The following NEGR1 variants were observed in gnomAD, a reference collection of about 807,000 sequenced individuals.
NEGR1 encodes the protein neuronal growth regulator 1.
Under a neutral mutation model 40.9 loss-of-function variants are expected in NEGR1, and 10 were observed. The ratio of observed to expected loss-of-function variants is 0.24; its 90% CI spans 0.15 to 0.42. The LOEUF (loss-of-function observed/expected upper bound fraction) is 0.42. Among genes scored for constraint, NEGR1 ranks in the 10% least tolerant of loss-of-function variants. NEGR1 has a pLI of 1.00. For synonymous variants in NEGR1, 185 were observed against 166.8 expected (o/e 1.11, Z -0.84); for missense variants, 352 against 438.9 (o/e 0.80, Z 1.77).
chr1:72,220,043 G>A (rs1653958175), intron 1 of NEGR1, among the ~76,000 whole-genome samples: 1 of 151,766 alleles, frequency 6.6e-6, no homozygotes, highest in South Asian at 2.1e-4. Context: ...GATTCATCTT[G>A]GAAACTATTT....
chr1:71,656,506 G>C (rs533045844), intron 4 of NEGR1, among the ~76,000 whole-genome samples: 6 of 152,034 alleles, frequency 3.9e-5, no homozygotes, highest in Admixed American at 3.3e-4. Context: ...TCCACCTCCC[G>C]GGTTCACGCC....
intron 1 of NEGR1, among the ~76,000 whole-genome samples, chr1:72,121,653 G>C (rs1206943629): frequency 6.6e-6 from 1 of 151,760 alleles, no homozygotes; most frequent in Non-Finnish European, 1.5e-5. Context: ...AAATTCATCA[G>C]GATAGATGTA....
Position 72,092,758 on chromosome 1 carries a change from C to T in NEGR1, c.177-157447G>A, listed in dbSNP as rs556957069. 1.5e-4 allele frequency among the ~76,000 whole-genome samples: 23 copies of T among 152,102 alleles called. No individual in the cohort carries two copies. In the East Asian group the frequency reaches 4.1e-3, roughly 27 times the overall value. ...TCGACCTCCCCAGGCTTGGGTGATC[C>T]TACCACCTCAGCCTCCCAAGTGTCT... On this transcript the variant is annotated intron_variant, in intron 1 of 6. Coordinates refer to ENST00000357731, the MANE Select transcript of NEGR1 (RefSeq NM_173808.3).
intron 4 of NEGR1, among the ~76,000 whole-genome samples, chr1:71,693,132 TA>T (rs912452750): frequency 5.5e-4 from 84 of 151,766 alleles, no homozygotes; most frequent in African/African-American, 2.0e-3. Flanking sequence ...TTCTTATCTA[TA>T]AAAAATGGAA....
chr1:71,951,614 T>C (rs954784967), intron 1 of NEGR1, among the ~76,000 whole-genome samples: 3 of 151,960 alleles, frequency 2.0e-5, no homozygotes, highest in African/African-American at 7.2e-5. Context: ...CTTCTTTTAA[T>C]AAACTTACAA....
intron 4 of NEGR1, among the ~76,000 whole-genome samples, chr1:71,674,746 T>A (rs1366807771): frequency 6.6e-6 from 1 of 152,118 alleles, no homozygotes; most frequent in African/African-American, 2.4e-5. Flanking sequence ...TCTATCACAT[T>A]CTTTGATGTC....
intron 1 of NEGR1, among the ~76,000 whole-genome samples, chr1:72,165,054 T>C (rs890761469): frequency 4.6e-5 from 7 of 152,016 alleles, no homozygotes; most frequent in Non-Finnish European, 1.5e-5. Context: ...AGCCTTGACA[T>C]AGTTCATTAT....
intron 1 of NEGR1, among the ~76,000 whole-genome samples, chr1:72,053,179 G>GAAT (rs1485381754): frequency 1.3e-5 from 2 of 151,236 alleles, no homozygotes; most frequent in African/African-American, 4.8e-5. Context: ...TTTCAGGAAT[G>GAAT]AATAAATGCA....
chr1:71,964,163 A>G (rs926405246), intron 1 of NEGR1, among the ~76,000 whole-genome samples: 3 of 152,142 alleles, frequency 2.0e-5, no homozygotes, highest in African/African-American at 7.2e-5. Flanking sequence ...GGCAGACTGT[A>G]TTTTACAAAA....
At chr1:72,042,113 T>C (rs1333704070) in intron 1 of NEGR1, among the ~76,000 whole-genome samples, 2 of 151,364 alleles carry the variant, frequency 1.3e-5, no homozygotes, top group Admixed American at 1.3e-4. Context: ...ACCTTCAACA[T>C]TAACAACATG....
intron 3 of NEGR1, among the ~76,000 whole-genome samples, chr1:71,733,936 A>G (rs1440028925): frequency 6.6e-6 from 1 of 152,190 alleles, no homozygotes; most frequent in African/African-American, 2.4e-5. Flanking sequence ...AACATTGGAA[A>G]CTATTAAATC....
rs1289521012 is a variant in NEGR1, at chr1:71,396,288, C to T, written c.*11158G>A. ...GTTTGATCATAGTGTCCTAAACATC[C>T]AGATTAACTCTACCAGGTAATTCTT... On this transcript the variant is annotated 3_prime_UTR_variant, in exon 7 of 7. Coordinates refer to ENST00000357731, the MANE Select transcript of NEGR1 (RefSeq NM_173808.3). 2 of 152,070 alleles carry T rather than the reference C, an allele frequency of 1.3e-5. No homozygotes were observed. Among genetic ancestry groups the T allele is most frequent in the African/African-American group, 4.8e-5 (2 of 41,414 alleles). The allele number at this position is 152,070 out of a possible 1,614,324, so 9.4% of individuals were successfully genotyped here.
chr1:71,536,162 A>G (rs571397216), intron 6 of NEGR1, among the ~76,000 whole-genome samples: 1 of 151,798 alleles, frequency 6.6e-6, no homozygotes, highest in Admixed American at 6.6e-5. Context: ...AATTCTACCT[A>G]CGATGTAGAC....
At chr1:71,488,321 T>C (rs112028883) in intron 6 of NEGR1, among the ~76,000 whole-genome samples, 72 of 151,952 alleles carry the variant, frequency 4.7e-4, no homozygotes, top group African/African-American at 1.7e-3. Flanking sequence ...TACAGTGTTC[T>C]GGGAGCTAAT....
intron 1 of NEGR1, among the ~76,000 whole-genome samples, chr1:72,057,737 A>C (rs964082747): frequency 1.3e-5 from 2 of 151,532 alleles, no homozygotes; most frequent in African/African-American, 4.8e-5. Context: ...ATTCAAGATA[A>C]ATGTGCCAGC....
intron 6 of NEGR1, among the ~76,000 whole-genome samples, chr1:71,573,712 T>G (rs1470119625): frequency 6.6e-6 from 1 of 152,214 alleles, no homozygotes; most frequent in African/African-American, 2.4e-5. Context: ...TTGTAGTCTC[T>G]TATATTTTTT....
intron 5 of NEGR1, 104 bp from the exon 6 acceptor site, chr1:71,593,072 C>T (rs372292290): frequency 7.2e-5 from 49 of 677,658 alleles, no homozygotes; most frequent in South Asian, 1.4e-4. Context: ...AATTCAACTA[C>T]GCTGACGTTA....
chr1:71,726,505 C>G (rs1469903081), intron 3 of NEGR1, among the ~76,000 whole-genome samples: 1 of 152,084 alleles, frequency 6.6e-6, no homozygotes, highest in African/African-American at 2.4e-5. Flanking sequence ...ACATTGTCAT[C>G]AGAATTCACA....
chr1:71,598,275 G>T (rs137901372), intron 5 of NEGR1, among the ~76,000 whole-genome samples: 1 of 152,130 alleles, frequency 6.6e-6, no homozygotes, highest in Admixed American at 6.5e-5. Context: ...CAAGAAAATC[G>T]AGTCAAGCCA....
Sources: gnomAD v4.1 joint callset for allele counts (sites outside exome capture counted in the v4.1 genomes callset) on GRCh38, gnomAD v4.1.1 for gene constraint, MANE v1.5 for transcripts, NCBI Gene and HGNC (gene_info 2026-07-23, HGNC 2026-07-21) for gene names.